Variants in CHAT observed in about 807,000 individuals in gnomAD.
CHAT encodes acetyl CoA:choline O-acetyltransferase.
In CHAT, 61 loss-of-function variants were observed where a neutral mutation model predicts 76.9. The ratio of observed to expected loss-of-function variants is 0.79; its 90% CI spans 0.65 to 0.98. The LOEUF (loss-of-function observed/expected upper bound fraction) is 0.98. CHAT is among the 50% of genes least tolerant of loss of function. The probability of loss-of-function intolerance (pLI) is 0.00; values close to 1 mark genes in which losing one functional copy is unlikely to be tolerated. For synonymous variants in CHAT, 407 were observed against 397.4 expected, an observed-to-expected ratio of 1.02 and a Z score of -0.29; for missense variants, 946 against 986.9, an observed-to-expected ratio of 0.96 and a Z score of 0.56.
At position 49,649,571 on chromosome 10, in the gene CHAT, G is replaced by A. The variant is rs1839800191; in HGVS notation, c.1446G>A (p.Arg482=). 6.2e-7 allele frequency: 1 copy of A among 1,613,790 alleles called. No individual in the cohort carries two copies. Among genetic ancestry groups the A allele is most frequent in the Non-Finnish European group, 8.5e-7 (1 of 1,180,050 alleles). ...TCAGCGAGCTCCCCGCCCCCCGGAG[G>A]CTGCGGTGGAAATGCTCCCCGGAAA... ...DSVSELPAPR[R]LRWKCSPEIQ... The change falls in exon 10 of 15, where the codon AGG becomes AGA. Residue 482 remains arginine (R), a synonymous_variant. Transcript: ENST00000337653.
chr10:49,615,508 C>T (rs1301743017), intron 1 of CHAT, among the ~76,000 whole-genome samples: 1 of 152,170 alleles, frequency 6.6e-6, no homozygotes, highest in African/African-American at 2.4e-5. Flanking sequence ...CTGCCAGGTG[C>T]CCATACATGG....
intron 8 of CHAT, among the ~76,000 whole-genome samples, chr10:49,647,411 T>C (rs1016859836): frequency 6.6e-6 from 1 of 152,228 alleles, no homozygotes; most frequent in African/African-American, 2.4e-5. Context: ...ACTACACTTT[T>C]ATATGATATG....
intron 2 of CHAT, among the ~76,000 whole-genome samples, 159 bp from the exon 3 acceptor site, chr10:49,619,566 C>T (rs1838621359): frequency 6.6e-6 from 1 of 152,142 alleles, no homozygotes; most frequent in Non-Finnish European, 1.5e-5. Flanking sequence ...CAGGAACTTC[C>T]TAAATTCATA....
At position 49,619,896 on chromosome 10, in the gene CHAT, CAGG is replaced by C. The variant is rs758703555; in HGVS notation, c.562_564del (p.Glu188del). ...CCTGCAGCAGAAACTCCTGGAGCGG[CAGG>C]AGAAGACAGCCAACTGGGTAAGAGG... On this transcript the variant is annotated inframe_deletion, in exon 3 of 15. Transcript: ENST00000337653. 5 of 1,611,930 alleles carry C rather than the reference CAGG, an allele frequency of 3.1e-6. No homozygotes were observed. The African/African-American group carries it at 6.7e-5, about 22-fold the overall frequency.
At chr10:49,615,810 C>T in intron 1 of CHAT, 1 of 555,666 alleles carries the variant, frequency 1.8e-6, no homozygotes, top group Non-Finnish European at 3.2e-6. Flanking sequence ...GCTGCCCAGC[C>T]TCCCTGCATA....
At chr10:49,611,988 C>A (rs374465426), upstream of CHAT, 2 of 1,613,794 alleles carry the variant, frequency 1.2e-6, no homozygotes. Context: ...ATGTCTCAGT[C>A]TATGGCAGCG....
At chr10:49,656,780 T>C (rs1840048203) in intron 13 of CHAT, among the ~76,000 whole-genome samples, 1 of 152,140 alleles carries the variant, frequency 6.6e-6, no homozygotes, top group Non-Finnish European at 1.5e-5. Context: ...GTGGGAATGT[T>C]TGCTGAGAGG....
intron 7 of CHAT, among the ~76,000 whole-genome samples, chr10:49,642,857 T>C (rs1051279821): frequency 2.0e-5 from 3 of 152,234 alleles, no homozygotes; most frequent in African/African-American, 7.2e-5. Flanking sequence ...TTCAGGCCCA[T>C]GCCTTTCCCA....
At chr10:49,612,646 T>C, upstream of CHAT, 3 of 351,308 alleles carry the variant, frequency 8.5e-6, no homozygotes, top group Non-Finnish European at 1.6e-5. Flanking sequence ...TTCCTTCCAT[T>C]GCTCCCAGTG....
chr10:49,661,502 T>A (rs1187440193), intron 13 of CHAT: 1 of 152,206 alleles, frequency 6.6e-6, no homozygotes, highest in Non-Finnish European at 1.5e-5. Context: ...AGAGCCTGAG[T>A]CATCTTTATG....
intron 7 of CHAT, among the ~76,000 whole-genome samples, chr10:49,631,453 T>C (rs186718799): frequency 7.2e-4 from 110 of 152,300 alleles, no homozygotes; most frequent in Non-Finnish European, 1.3e-3. Flanking sequence ...TCTTTAAAGG[T>C]CCCATCTCCA....
chr10:49,651,437 C>T (rs1839873902), intron 10 of CHAT, among the ~76,000 whole-genome samples: 1 of 152,186 alleles, frequency 6.6e-6, no homozygotes, highest in Admixed American at 6.5e-5. Context: ...GGGCAGTCAG[C>T]TCAGACCCCA....
At chr10:49,612,700 T>G, upstream of CHAT, 2 of 254,446 alleles carry the variant, frequency 7.9e-6, no homozygotes, top group South Asian at 1.3e-4. Context: ...CCCAAATCAA[T>G]AAACTGTGTC....
rs751593510 is a variant in CHAT at position 49,620,662 on chromosome 10, A to G, written c.698+49A>G. Reference sequence around the variant, plus strand: ...CATAACCTGGGGACCCACCCAAGGCAGGGGCCCTTACCCCAGTGCCAGCAA... The same window carrying G: ...CATAACCTGGGGACCCACCCAAGGCGGGGGCCCTTACCCCAGTGCCAGCAA... On this transcript the variant is annotated intron_variant, in intron 4 of 14. Transcript: ENST00000337653. 2.1e-6 allele frequency: 3 copies of G among 1,436,934 alleles called. No individual in the cohort carries two copies. In the East Asian group the frequency reaches 6.9e-5, roughly 33 times the overall value. The allele number at this position is 1,436,934 out of a possible 1,614,324, so 89.0% of individuals were successfully genotyped here. A position where few individuals can be genotyped will look rare whatever the true frequency, so the allele number is the denominator to read the frequency against.
chr10:49,655,095 G>A lies in CHAT; in HGVS notation c.1635G>A (p.Arg545=). 6.2e-7 allele frequency: 1 copy of A among 1,614,086 alleles called. No homozygotes were observed. Among genetic ancestry groups the A allele is most frequent in the Non-Finnish European group, 8.5e-7 (1 of 1,180,000 alleles). The change falls in exon 12 of 15, where the codon AGG becomes AGA. Residue 545 remains arginine, a splice_region_variant and synonymous_variant. Coordinates refer to ENST00000337653, the MANE Select transcript of CHAT (RefSeq NM_020549.5). ...IQVALQLAFY[R]LHRRLVPTYE... Reference sequence around the variant, plus strand: ...GCCATTCATCCTTCATCCCACGCAGGCTCCATCGAAGACTGGTGCCCACCT... The same window carrying A: ...GCCATTCATCCTTCATCCCACGCAGACTCCATCGAAGACTGGTGCCCACCT...
upstream of CHAT, chr10:49,611,679 C>T: frequency 6.2e-7 from 1 of 1,611,022 alleles, no homozygotes; most frequent in African/African-American, 1.3e-5. Context: ...CCACCATTGC[C>T]ACGTGGATGA....
chr10:49,614,412 C>A lies in CHAT; in HGVS notation c.223C>A (p.Pro75Thr), dbSNP rs1261452652. 3 of 1,547,290 alleles carry A rather than the reference C, an allele frequency of 1.9e-6. No homozygotes were observed. In the African/African-American group the frequency reaches 4.1e-5, roughly 21 times the overall value. ...CCCCCCACCCCTTCCGGCTCACACC[C>A]CCGCCCACACTCCTGAGTGGTGCGG... ...TRPPPLPAHT[P>T]AHTPEWCGAA... The change falls in exon 1 of 15, where the codon CCC becomes ACC. Residue 75 changes from proline (P) to threonine (T), a missense_variant. Coordinates refer to ENST00000337653, the MANE Select transcript of CHAT (RefSeq NM_020549.5).
chr10:49,639,012 G>A (rs1839386931), intron 7 of CHAT, among the ~76,000 whole-genome samples: 1 of 152,096 alleles, frequency 6.6e-6, no homozygotes, highest in Non-Finnish European at 1.5e-5. Context: ...GAGGAGGGTG[G>A]ATCGTGAGGT....
intron 9 of CHAT, 149 bp downstream of exon 9, chr10:49,648,756 CACGAT>C (rs1839769524): frequency 6.2e-6 from 4 of 644,086 alleles, no homozygotes; most frequent in South Asian, 1.7e-5. Flanking sequence ...CACACACACA[CACGAT>C]GAATTTGAAA....
Sources: gnomAD v4.1 joint callset for allele counts (sites outside exome capture counted in the v4.1 genomes callset) on GRCh38, gnomAD v4.1.1 for gene constraint, MANE v1.5 for transcripts, NCBI Gene and HGNC (gene_info 2026-07-23, HGNC 2026-07-21) for gene names.